HDAC7: variants seen among roughly 807,000 people sequenced by gnomAD.
HDAC7 encodes histone deacetylase 7A.
Under a neutral mutation model 115.5 loss-of-function variants are expected in HDAC7, and 26 were observed. The observed-to-expected ratio is 0.23, with a 90% confidence interval of 0.16 to 0.31. The LOEUF is 0.31. HDAC7 is among the 10% of genes least tolerant of loss of function. The probability of loss-of-function intolerance (pLI) is 1.00; values close to 1 mark genes in which losing one functional copy is unlikely to be tolerated. For synonymous variants in HDAC7, 564 were observed against 550.9 expected (o/e 1.02, Z -0.33); for missense variants, 1,068 against 1,329.0 (o/e 0.80, Z 3.05).
chr12:47,789,264 G>A lies in HDAC7; in HGVS notation c.2232C>T (p.Asp744=), dbSNP rs774626672. ...QSKASKILIV[D]WDVHHGNGTQ... is the part of the protein sequence containing the mutation. ...GGTGCTACGGACAGGCACCTACCCAGTCTACAATGAGGATCTTGCTGGCCT... is the reference window on the plus strand; with the variant it reads ...GGTGCTACGGACAGGCACCTACCCAATCTACAATGAGGATCTTGCTGGCCT... The change falls in exon 19 of 26, where the codon GAC becomes GAT. Residue 744 remains aspartate, a synonymous_variant. Transcript: ENST00000080059. 6.8e-6 allele frequency: 11 copies of A among 1,613,346 alleles called. No homozygotes were observed. The highest frequency in any genetic ancestry group is 9.3e-6 in the Non-Finnish European group (11 of 1,179,400).
At chr12:47,787,110 G>C (rs1335940635) in intron 21 of HDAC7, among the ~76,000 whole-genome samples, 1 of 152,178 alleles carries the variant, frequency 6.6e-6, no homozygotes. Context: ...GGGACTACAA[G>C]TGCTCAGTCC....
chr12:47,789,390 T>A lies in HDAC7; in HGVS notation c.2148-42A>T, dbSNP rs114532733. 1.9e-6 allele frequency: 3 copies of A among 1,582,120 alleles called. No individual in the cohort carries two copies. The East Asian group carries it at 6.7e-5, about 35-fold the overall frequency. ...GTCCTGCCAGCCCATTCTCTCCACA[T>A]GCCCTCACCTCCCCAGGCCCCTGGG... On this transcript the variant is annotated intron_variant, in intron 18 of 25. Transcript: ENST00000080059.
chr12:47,817,036 G>C (rs933187493), intron 1 of HDAC7, among the ~76,000 whole-genome samples: 3 of 152,232 alleles, frequency 2.0e-5, no homozygotes, highest in African/African-American at 7.2e-5. Context: ...GGAAAGGGCT[G>C]TCTGGGGGCA....
chr12:47,802,177 C>A, intron 2 of HDAC7, 47 bp downstream of exon 2: 1 of 1,583,680 alleles, frequency 6.3e-7, no homozygotes, highest in Non-Finnish European at 8.6e-7. Flanking sequence ...CTTTCCACCC[C>A]TCATCTTCCA....
rs1031733333 is a variant in HDAC7 at position 47,785,995 on chromosome 12, T to C, written c.2573-110A>G. 8 of 1,092,634 alleles carry C rather than the reference T, an allele frequency of 7.3e-6. No individual in the cohort carries two copies. In the Admixed American group the frequency reaches 9.2e-5, roughly 13 times the overall value. 67.7% of individuals were successfully genotyped at this position (1,092,634 alleles called of 1,614,324 possible). On this transcript the variant is annotated intron_variant, in intron 22 of 25. Transcript: ENST00000080059. ...CCTCCCTAATAAAGAATGACTCACA[T>C]GTATCAATCACTATTTCCAAAGTGC...
chr12:47,788,182 C>T lies in HDAC7; in HGVS notation c.2236-18G>A, dbSNP rs1319907310. 3.8e-6 allele frequency: 6 copies of T among 1,588,808 alleles called. No homozygotes were observed. Among genetic ancestry groups the T allele is most frequent in the South Asian group, 3.4e-5 (3 of 87,570 alleles). ...TGCACGTCCTGTGTAGGGAGACGGG[C>T]AGCGATTAGGGAAGGCAGAGAGATG... On this transcript the variant is annotated intron_variant, in intron 19 of 25. Coordinates refer to ENST00000080059, the MANE Select transcript of HDAC7 (RefSeq NM_015401.5).
chr12:47,798,075 TG>T lies in HDAC7; in HGVS notation c.461+32del. On this transcript the variant is annotated intron_variant, in intron 5 of 25. Coordinates refer to ENST00000080059, the MANE Select transcript of HDAC7 (RefSeq NM_015401.5). This position sits in a 1 kb window ranked among gnomAD's most constrained non-coding sequence, Gnocchi z 4.3. ...CGGGGGCGGGGGTGGAGGGTGCATG[TG>T]GGGACAGGAGGGCAGGTGAGGAGGG... The T allele has an allele frequency of 6.7e-7, 1 of 1,487,108 alleles. No homozygotes were observed. The highest frequency in any genetic ancestry group is 9.4e-7 in the Non-Finnish European group (1 of 1,066,348). The allele number at this position is 1,487,108 out of a possible 1,614,324, so 92.1% of individuals were successfully genotyped here.
Position 47,793,358 on chromosome 12 carries a change from C to T in HDAC7, c.1678+11G>A. 1 of 1,298,506 alleles carries T rather than the reference C, an allele frequency of 7.7e-7. No homozygotes were observed. The highest frequency in any genetic ancestry group is 1.0e-6 in the Non-Finnish European group (1 of 953,600). The allele number at this position is 1,298,506 out of a possible 1,614,324, so 80.4% of individuals were successfully genotyped here. ...CCCTCCCTCCACCCGCCACCCTCCT[C>T]CCGGTCTCACCTGTGGTGAAGGGCA... On this transcript the variant is annotated intron_variant, in intron 13 of 25. Coordinates refer to ENST00000080059, the MANE Select transcript of HDAC7 (RefSeq NM_015401.5). The surrounding 1 kb of genome is among the most constrained non-coding windows in gnomAD (Gnocchi z 4.5).
intron 1 of HDAC7, chr12:47,813,312 A>C (rs2137065051): frequency 6.6e-6 from 1 of 152,012 alleles, no homozygotes; most frequent in African/African-American, 2.4e-5. Flanking sequence ...TTGTGGGGCA[A>C]GCAAAACAAG....
intron 16 of HDAC7, chr12:47,790,867 T>G: frequency 3.7e-6 from 1 of 273,462 alleles, no homozygotes. Context: ...CAGCCCAAGG[T>G]CTGGGGACCA....
At chr12:47,785,610 C>T in intron 23 of HDAC7, 139 bp from the exon 24 acceptor site, 2 of 1,378,118 alleles carry the variant, frequency 1.5e-6, no homozygotes, top group Non-Finnish European at 2.0e-6. Flanking sequence ...TAACTTGGAA[C>T]AGAGGCTTCC....
chr12:47,792,270 C>A, intron 13 of HDAC7: 1 of 524,350 alleles, frequency 1.9e-6, no homozygotes, highest in Non-Finnish European at 3.4e-6. Flanking sequence ...TGCCACAGAG[C>A]CACGGCCTTC....
rs766201411 is a variant in HDAC7 at position 47,791,889 on chromosome 12, C to T, written c.1794G>A (p.Gly598=). The change falls in exon 14 of 26, where the codon GGG becomes GGA. Residue 598 remains glycine, a synonymous_variant. Coordinates refer to ENST00000080059, the MANE Select transcript of HDAC7 (RefSeq NM_015401.5). ...TCCTCACCTCACACTGGCTCCGGAG[C>T]CCCCGCTCCTGCAGCCGGGACCAGA... The part of the protein sequence containing the change: ...QSIWSRLQER[G]LRSQCECLRG... 1.5e-5 allele frequency: 24 copies of T among 1,610,828 alleles called. No individual in the cohort carries two copies. The highest frequency in any genetic ancestry group is 2.7e-5 in the African/African-American group (2 of 74,696).
rs888006922 is a variant in HDAC7, at chr12:47,798,359, C to T, written c.350-140G>A. On this transcript the variant is annotated intron_variant, in intron 4 of 25. Coordinates refer to ENST00000080059, the MANE Select transcript of HDAC7 (RefSeq NM_015401.5). This position sits in a 1 kb window ranked among gnomAD's most constrained non-coding sequence, Gnocchi z 4.3. The stretch of plus-strand genomic sequence containing the variant: ...GGCAAGAGCCAAGCCCGAGGCCCTA[C>T]CCCTCCCTAGAGCCTCCAGACACCA... 12 of 800,982 alleles carry T rather than the reference C, an allele frequency of 1.5e-5. No homozygotes were observed. In the South Asian group the frequency reaches 1.8e-4, roughly 12 times the overall value. The allele number at this position is 800,982 out of a possible 1,614,324, so 49.6% of individuals were successfully genotyped here.
At position 47,793,297 on chromosome 12, in the gene HDAC7, A is replaced by T; in HGVS notation, c.1678+72T>A. On this transcript the variant is annotated intron_variant, in intron 13 of 25. Coordinates refer to ENST00000080059, the MANE Select transcript of HDAC7 (RefSeq NM_015401.5). The surrounding 1 kb of genome is among the most constrained non-coding windows in gnomAD (Gnocchi z 4.5). Reference sequence around the variant, plus strand: ...GTGGCCTCTAAAAATGTCCCAAGTGACACCAAGACACCCACATGGACTCGT... The same window carrying T: ...GTGGCCTCTAAAAATGTCCCAAGTGTCACCAAGACACCCACATGGACTCGT... The T allele has an allele frequency of 8.5e-7, 1 of 1,170,296 alleles. No homozygotes were observed. The highest frequency in any genetic ancestry group is 1.2e-6 in the Non-Finnish European group (1 of 849,478). 72.5% of individuals were successfully genotyped at this position (1,170,296 alleles called of 1,614,324 possible).
intron 1 of HDAC7, among the ~76,000 whole-genome samples, chr12:47,816,504 C>CA (rs1944853612): frequency 6.6e-6 from 1 of 152,172 alleles, no homozygotes; most frequent in Non-Finnish European, 1.5e-5. Context: ...GGAACCACCA[C>CA]ATCAGCATAC....
intron 19 of HDAC7, 156 bp from the exon 20 acceptor site, chr12:47,788,320 C>T (rs964067226): frequency 2.2e-5 from 18 of 836,982 alleles, no homozygotes; most frequent in Admixed American, 1.8e-4. Flanking sequence ...AGTGGCCCCA[C>T]GTAATCCACT....
At position 47,797,814 on chromosome 12, in the gene HDAC7, TAAAG is replaced by T. The variant is rs1056237302; in HGVS notation, c.461+290_461+293del. Among the ~76,000 whole-genome samples the T allele has an allele frequency of 6.7e-5, 10 of 149,194 alleles. No homozygotes were observed. The highest frequency in any genetic ancestry group is 2.0e-4 in the African/African-American group (8 of 40,274). The stretch of plus-strand genomic sequence containing the variant: ...GACATTTTTGCGCTCAGGGAAAATA[TAAAG>T]AGAGAAGGGGCTCATGTGCAAGAAA... On this transcript the variant is annotated intron_variant, in intron 5 of 25. Coordinates refer to ENST00000080059, the MANE Select transcript of HDAC7 (RefSeq NM_015401.5). This position sits in a 1 kb window ranked among gnomAD's most constrained non-coding sequence, Gnocchi z 5.5.
At chr12:47,805,062 G>A (rs935993287) in intron 1 of HDAC7, among the ~76,000 whole-genome samples, 1 of 149,050 alleles carries the variant, frequency 6.7e-6, no homozygotes, top group African/African-American at 2.5e-5. Flanking sequence ...TGCCTCCAGT[G>A]TCTTTTCTTA....
Sources: allele counts gnomAD v4.1 joint callset (sites outside exome capture counted in the v4.1 genomes callset), GRCh38; gene constraint gnomAD v4.1.1; non-coding constraint Gnocchi (gnomAD v3.1); transcripts MANE v1.5; gene names NCBI Gene and HGNC (gene_info 2026-07-23, HGNC 2026-07-21).